Variants in DDX21 observed in about 807,000 individuals in gnomAD.
The protein encoded by DDX21 is nucleolar RNA helicase 2.
Under a neutral mutation model 90.0 loss-of-function variants are expected in DDX21, and 18 were observed. The observed-to-expected ratio is 0.20, with a 90% CI of 0.14 to 0.30. The LOEUF (loss-of-function observed/expected upper bound fraction) is 0.30, where lower values mean the gene tolerates loss of function less well. Ranked by LOEUF, DDX21 falls within the 10% of genes least tolerant of loss-of-function variation. The pLI is 1.00. For missense variants in DDX21, 673 were observed against 944.5 expected (o/e 0.71, Z 3.77); for synonymous variants, 294 against 318.0 (o/e 0.92, Z 0.80).
intron 4 of DDX21, among the ~76,000 whole-genome samples, chr10:68,964,758 ATCC>A (rs1350834665): frequency 1.4e-5 from 2 of 140,132 alleles, no homozygotes; most frequent in African/African-American, 5.3e-5. Flanking sequence ...GGTTTAAGTG[ATCC>A]TCCCGCCTCA....
chr10:68,981,243 TG>T (rs1843186275), intron 13 of DDX21, among the ~76,000 whole-genome samples: 1 of 152,318 alleles, frequency 6.6e-6, no homozygotes, highest in Admixed American at 6.5e-5. Context: ...AGCAATAAAA[TG>T]TAGCTAATAG....
In DDX21 at chr10:68,974,689, T is replaced by C; in HGVS notation, c.1688T>C (p.Ile563Thr). Residue 563 changes from isoleucine (I) to threonine (T), a missense_variant, in exon 11 of 15, where the codon ATA becomes ACA. Physicochemically the swap from Ile to Thr is moderately conservative, Grantham distance 89 (BLOSUM62 -1). Around this residue, in one of 4 missense-constraint regions of DDX21, gnomAD observed 225 missense variants for 298.8 expected, o/e 0.75. Transcript: ENST00000354185. Reference protein sequence around the residue: ...EQKAGIKFKRIGVPSATEIIK... With the variant: ...EQKAGIKFKRTGVPSATEIIK... ...CTGTAGGGAATTAAGTTCAAACGAATAGGTGTTCCTTCTGCAACAGAAATA... is the reference window on the plus strand; with the variant it reads ...CTGTAGGGAATTAAGTTCAAACGAACAGGTGTTCCTTCTGCAACAGAAATA... 3 of 1,614,054 alleles carry C rather than the reference T, an allele frequency of 1.9e-6. No individual in the cohort carries two copies. The highest frequency in any genetic ancestry group is 1.3e-5 in the African/African-American group (1 of 75,050).
intron 5 of DDX21, 95 bp from the exon 6 acceptor site, chr10:68,966,923 A>G (rs1322465607): frequency 9.9e-7 from 1 of 1,015,174 alleles, no homozygotes; most frequent in Non-Finnish European, 1.4e-6. Context: ...GTATTTAACA[A>G]ATATTTTAGA....
chr10:68,982,462 G>C, intron 14 of DDX21, 81 bp from the exon 15 acceptor site: 2 of 1,514,558 alleles, frequency 1.3e-6, no homozygotes, highest in South Asian at 2.6e-5. Flanking sequence ...TTGAAGAAGT[G>C]GCAAATATTT....
At position 68,961,556 on chromosome 10, in the gene DDX21, C is replaced by T. The variant is rs184865723; in HGVS notation, c.532-526C>T. Among the ~76,000 whole-genome samples, 537 of 152,258 alleles carry T rather than the reference C, an allele frequency of 3.5e-3. 6 individuals carry two copies. Among genetic ancestry groups the T allele is most frequent in the African/African-American group, 0.012 (516 of 41,540 alleles). Reference sequence around the variant, plus strand: ...TTTGTTTCTAGCTAAGCATTTTCCTCGTTAAGTACGCTTAATGGTTACATA... The same window carrying T: ...TTTGTTTCTAGCTAAGCATTTTCCTTGTTAAGTACGCTTAATGGTTACATA... On this transcript the variant is annotated intron_variant, in intron 2 of 14. Transcript: ENST00000354185.
At chr10:68,970,376 A>G in intron 8 of DDX21, 26 bp downstream of exon 8, 1 of 1,602,176 alleles carries the variant, frequency 6.2e-7, no homozygotes, top group Admixed American at 1.7e-5. Flanking sequence ...TATGCCAGCA[A>G]AACTGGGGAT....
Position 68,973,577 on chromosome 10 carries a change from G to A in DDX21, c.1581G>A (p.Arg527=), listed in dbSNP as rs1482272379. The A allele has an allele frequency of 3.1e-6, 5 of 1,613,964 alleles. No individual in the cohort carries two copies. The highest frequency in any genetic ancestry group is 4.2e-6 in the Non-Finnish European group (5 of 1,180,004). ...AGTCCTACATTCATCGATCCGGGCG[G>A]ACAGGCAGAGCTGGAAGGACGGGGG... ...DVESYIHRSG[R]TGRAGRTGVC... Residue 527 remains arginine, a synonymous_variant, in exon 10 of 15, where the codon CGG becomes CGA. Transcript: ENST00000354185.
intron 6 of DDX21, among the ~76,000 whole-genome samples, chr10:68,967,525 C>T (rs1370356272): frequency 1.3e-5 from 2 of 150,998 alleles, no homozygotes; most frequent in African/African-American, 4.9e-5. Context: ...TGGAATGGGG[C>T]TCATTTTATC....
At chr10:68,972,140 A>G (rs1564628495) in intron 9 of DDX21, 88 bp downstream of exon 9, 1 of 1,429,316 alleles carries the variant, frequency 7.0e-7, no homozygotes, top group Admixed American at 2.1e-5. Flanking sequence ...CTTTCATGTC[A>G]TTAGTATATA....
chr10:68,973,395 AG>A (rs1843053271), intron 9 of DDX21, 149 bp from the exon 10 acceptor site: 4 of 888,266 alleles, frequency 4.5e-6, no homozygotes, highest in Non-Finnish European at 6.7e-6. Context: ...AAATTGCCAG[AG>A]GTCTTTAAAT....
chr10:68,971,818 G>C, intron 8 of DDX21, 73 bp from the exon 9 acceptor site: 1 of 1,477,560 alleles, frequency 6.8e-7, no homozygotes, highest in Non-Finnish European at 9.3e-7. Context: ...TCTTTTACAG[G>C]CCTAACTGAT....
At chr10:68,962,714 C>G (rs1454577220) in intron 3 of DDX21, among the ~76,000 whole-genome samples, 3 of 152,156 alleles carry the variant, frequency 2.0e-5, no homozygotes, top group Non-Finnish European at 4.4e-5. Context: ...AATGTTTTAT[C>G]TCTTTCACTT....
chr10:68,959,077 C>T (rs1007833367), intron 1 of DDX21, among the ~76,000 whole-genome samples: 6 of 152,102 alleles, frequency 3.9e-5, no homozygotes, highest in East Asian at 3.9e-4. Context: ...GAAAAGAAAC[C>T]TGCTTAACAT....
intron 1 of DDX21, among the ~76,000 whole-genome samples, chr10:68,957,338 TA>T (rs140215472): frequency 0.052 from 7,978 of 152,296 alleles, 275 homozygotes; most frequent in Middle Eastern, 0.11. Context: ...GCAGTAGTTT[TA>T]ACCTTGATAG....
chr10:68,966,736 C>T (rs1242807265), intron 5 of DDX21, among the ~76,000 whole-genome samples: 2 of 152,138 alleles, frequency 1.3e-5, no homozygotes, highest in African/African-American at 2.4e-5. Context: ...CCACCACGCC[C>T]GGCTGCATAT....
chr10:68,973,498 GTC>G, intron 9 of DDX21, 45 bp from the exon 10 acceptor site: 4 of 1,611,848 alleles, frequency 2.5e-6, no homozygotes, highest in East Asian at 2.2e-5. Flanking sequence ...TCAGGTGTTT[GTC>G]TCTCTTTTTT....
chr10:68,962,118 A>C lies in DDX21; in HGVS notation c.568A>C (p.Asn190His), dbSNP rs1235513038. The C allele has an allele frequency of 1.2e-6, 2 of 1,612,808 alleles. No homozygotes were observed. Among genetic ancestry groups the C allele is most frequent in the East Asian group, 2.2e-5 (1 of 44,810 alleles). Residue 190 changes from asparagine to histidine, a missense_variant, in exon 3 of 15, where the codon AAT (asparagine) becomes CAT (histidine). Asn to His is a moderately conservative substitution (Grantham distance 68). Coordinates refer to ENST00000354185, the MANE Select transcript of DDX21 (RefSeq NM_004728.4). ...PVEQKEGAFS[N>H]FPISEETIKL... The stretch of plus-strand genomic sequence containing the variant: ...GGAACAAAAAGAAGGCGCTTTCTCT[A>C]ATTTTCCCATATCTGAAGAAACTAT...
At chr10:68,960,270 G>A (rs762566523) in intron 2 of DDX21, 21 bp downstream of exon 2, 1 of 1,567,268 alleles carries the variant, frequency 6.4e-7, no homozygotes, top group East Asian at 2.2e-5. Context: ...ACTTCATTGG[G>A]TAGAAGATAT....
At chr10:68,971,193 G>T (rs890285176) in intron 8 of DDX21, among the ~76,000 whole-genome samples, 1 of 151,686 alleles carries the variant, frequency 6.6e-6, no homozygotes, top group Non-Finnish European at 1.5e-5. Flanking sequence ...TCATGAGGTT[G>T]TGCCACAGTC....
Sources: allele counts gnomAD v4.1 joint callset (sites outside exome capture counted in the v4.1 genomes callset), GRCh38; gene constraint gnomAD v4.1.1; regional missense constraint gnomAD v4.1.1; transcripts MANE v1.5; gene names NCBI Gene and HGNC (gene_info 2026-07-23, HGNC 2026-07-21).